The following ALMS1 variants were observed in gnomAD, a reference collection of about 807,000 sequenced individuals.
ALMS1 encodes the protein centrosome-associated protein ALMS1.
Under a neutral mutation model 352.2 loss-of-function variants are expected in ALMS1, and 271 were observed. That is an observed-to-expected ratio of 0.77 (90% CI 0.70 to 0.85). The LOEUF is 0.85. ALMS1 is among the 40% of genes least tolerant of loss of function. The probability of loss-of-function intolerance (pLI) is 0.00; values close to 1 mark genes in which losing one functional copy is unlikely to be tolerated. For missense variants in ALMS1, 5,445 were observed against 4,870.7 expected (o/e 1.12, Z -3.51); for synonymous variants, 1,865 against 1,761.2 (o/e 1.06, Z -1.48).
Position 73,451,396 on chromosome 2 carries a change from G to T in ALMS1, c.4869G>T (p.Lys1623Asn). The T allele has an allele frequency of 6.2e-7, 1 of 1,613,908 alleles. No homozygotes were observed. The highest frequency in any genetic ancestry group is 1.6e-4 in the Middle Eastern group (1 of 6,062). ...TAGGTTCCAGTGCACTTGGAGAGAA[G>T]CCCATTACTTTCTACCGGCAGGCTC... ...GPLGSSALGE[K>N]PITFYRQALL... is the part of the protein sequence containing the mutation. The change falls in exon 8 of 23, where the codon AAG becomes AAT. Residue 1623 changes from lysine (K) to asparagine (N), a missense_variant. By Grantham distance (94) the Lys-to-Asn change is moderately conservative (BLOSUM62 0). Coordinates refer to ENST00000613296, the MANE Select transcript of ALMS1 (RefSeq NM_001378454.1).
intron 16 of ALMS1, among the ~76,000 whole-genome samples, chr2:73,587,478 A>G (rs1675336859): frequency 1.3e-5 from 2 of 152,144 alleles, no homozygotes; most frequent in African/African-American, 2.4e-5. Flanking sequence ...TGAGGGTTTT[A>G]ATTATAAAGT....
chr2:73,466,874 A>G (rs1672360056), intron 9 of ALMS1, among the ~76,000 whole-genome samples: 1 of 152,146 alleles, frequency 6.6e-6, no homozygotes. Flanking sequence ...TAGAAGCTGC[A>G]TAAATGGAGT....
At chr2:73,399,225 C>T (rs1670823707) in intron 1 of ALMS1, among the ~76,000 whole-genome samples, 1 of 152,102 alleles carries the variant, frequency 6.6e-6, no homozygotes, top group Admixed American at 6.6e-5. Flanking sequence ...GACTGTGTAC[C>T]TTTTATTTCC....
At chr2:73,567,480 T>C (rs1428839689) in intron 15 of ALMS1, among the ~76,000 whole-genome samples, 1 of 152,198 alleles carries the variant, frequency 6.6e-6, no homozygotes, top group Admixed American at 6.5e-5. Flanking sequence ...TATGTATTTA[T>C]TATATCACAG....
In ALMS1 at chr2:73,450,642, G is replaced by A. The variant is rs1439442789; in HGVS notation, c.4115G>A (p.Gly1372Asp). The A allele has an allele frequency of 8.1e-6, 13 of 1,613,106 alleles. No individual in the cohort carries two copies. The highest frequency in any genetic ancestry group is 4.0e-5 in the African/African-American group (3 of 74,544). ...VASEPVDQTTGTPTVTSTSYS... is the reference protein window; with the variant it reads ...VASEPVDQTTDTPTVTSTSYS... ...TCTGAACCAGTTGACCAGACAACTG[G>A]CACACCAACTGTAACCTCTACTTCT... is the stretch of plus-strand genomic sequence containing the variant. Residue 1372 changes from glycine to aspartate, a missense_variant, in exon 8 of 23, where the codon GGC (glycine) becomes GAC (aspartate). By Grantham distance (94) the Gly-to-Asp change is moderately conservative. Transcript: ENST00000613296.
intron 9 of ALMS1, among the ~76,000 whole-genome samples, chr2:73,460,733 C>G (rs1672174380): frequency 6.6e-6 from 1 of 152,232 alleles, no homozygotes; most frequent in Admixed American, 6.5e-5. Context: ...TCGCATCACT[C>G]CCACACTAAT....
At chr2:73,536,147 G>C (rs1674023339) in intron 12 of ALMS1, among the ~76,000 whole-genome samples, 1 of 152,296 alleles carries the variant, frequency 6.6e-6, no homozygotes, top group East Asian at 1.9e-4. Flanking sequence ...ATGGCTACCA[G>C]AAAGAAAACA....
At chr2:73,604,946 G>A (rs1246396416) in intron 21 of ALMS1, among the ~76,000 whole-genome samples, 3 of 152,188 alleles carry the variant, frequency 2.0e-5, no homozygotes, top group African/African-American at 7.2e-5. Context: ...GGAAGAACAA[G>A]GAAGCAGTGT....
chr2:73,425,759 C>T (rs1342460656), intron 5 of ALMS1, among the ~76,000 whole-genome samples: 1 of 152,104 alleles, frequency 6.6e-6, no homozygotes, highest in Non-Finnish European at 1.5e-5. Context: ...CTTAAACATC[C>T]ATGCTATCAG....
intron 9 of ALMS1, chr2:73,459,394 C>T (rs182466826): frequency 6.6e-6 from 1 of 152,174 alleles, no homozygotes; most frequent in African/African-American, 2.4e-5. Context: ...TTCTTTGAGA[C>T]TGTAAATATC....
chr2:73,566,296 G>C (rs769911448), intron 15 of ALMS1, among the ~76,000 whole-genome samples: 27 of 152,126 alleles, frequency 1.8e-4, no homozygotes, highest in Non-Finnish European at 3.1e-4. Flanking sequence ...TACTGCTCTT[G>C]CACTTTGGGG....
At chr2:73,406,528 G>A (rs1487434486) in intron 1 of ALMS1, among the ~76,000 whole-genome samples, 1 of 129,528 alleles carries the variant, frequency 7.7e-6, no homozygotes, top group African/African-American at 2.9e-5. Context: ...CAATTTTTTT[G>A]GTAGGGATAT....
Position 73,386,203 on chromosome 2 carries a change from C to T in ALMS1, c.324+11C>T, listed in dbSNP as rs886949774. On this transcript the variant is annotated intron_variant, in intron 1 of 22. Transcript: ENST00000613296. The stretch of plus-strand genomic sequence containing the variant: ...ACCTCCCTGGAGAAGGTGAGGCGGG[C>T]CGGGGAGGGGTGTGGAGCCGCGGCG... 2 of 1,523,300 alleles carry T rather than the reference C, an allele frequency of 1.3e-6. No homozygotes were observed. Among genetic ancestry groups the T allele is most frequent in the South Asian group, 2.4e-5 (2 of 82,112 alleles). The allele number at this position is 1,523,300 out of a possible 1,614,324, so 94.4% of individuals were successfully genotyped here. A position where few individuals can be genotyped will look rare whatever the true frequency, so the allele number is the denominator to read the frequency against.
chr2:73,532,245 A>G (rs1673929940), intron 11 of ALMS1, among the ~76,000 whole-genome samples: 1 of 152,246 alleles, frequency 6.6e-6, no homozygotes, highest in South Asian at 2.1e-4. Flanking sequence ...CACTTGCTGG[A>G]TACTGCCTAT....
chr2:73,608,042 T>C (rs909014733), intron 21 of ALMS1, among the ~76,000 whole-genome samples: 2 of 152,198 alleles, frequency 1.3e-5, no homozygotes, highest in Admixed American at 6.5e-5. Flanking sequence ...CAGACCAAGT[T>C]TCTTCTCCTC....
intron 12 of ALMS1, among the ~76,000 whole-genome samples, chr2:73,544,259 T>C (rs13399087): frequency 0.5 from 75,333 of 151,896 alleles, 21,555 homozygotes; most frequent in African/African-American, 0.8. Flanking sequence ...AGCAAACTAT[T>C]GCAAAGACAA....
Position 73,557,220 on chromosome 2 carries a change from A to G in ALMS1, c.10079A>G (p.Asp3360Gly). Residue 3360 changes from aspartate to glycine, a missense_variant and splice_region_variant, in exon 14 of 23, where the codon GAT (aspartate) becomes GGT (glycine). Physicochemically the swap from Asp to Gly is moderately conservative, Grantham distance 94. Coordinates refer to ENST00000613296, the MANE Select transcript of ALMS1 (RefSeq NM_001378454.1). ...GEKPLQNENA[D>G]ASVQVLITGD... ...AAATCAAATGATGTCGTTATTCCAG[A>G]TGCCTCAGTTCAAGTGCTAATCACT... 6.2e-7 allele frequency: 1 copy of G among 1,614,096 alleles called. No homozygotes were observed. The highest frequency in any genetic ancestry group is 8.5e-7 in the Non-Finnish European group (1 of 1,179,984).
chr2:73,419,023 G>A lies in ALMS1; in HGVS notation c.451-100G>A, dbSNP rs974993591. The A allele has an allele frequency of 3.0e-5, 29 of 965,136 alleles. 1 individual carries two copies. In the African/African-American group the frequency reaches 3.6e-4, roughly 12 times the overall value. The allele number at this position is 965,136 out of a possible 1,614,324, so 59.8% of individuals were successfully genotyped here. Reference sequence around the variant, plus strand: ...ACTTTGATGAGAATGTCATTAAATAGGAAGCTATATAATACATGAGTGGAC... The same window carrying A: ...ACTTTGATGAGAATGTCATTAAATAAGAAGCTATATAATACATGAGTGGAC... On this transcript the variant is annotated intron_variant, in intron 2 of 22. Coordinates refer to ENST00000613296, the MANE Select transcript of ALMS1 (RefSeq NM_001378454.1).
At chr2:73,414,484 T>TTTG (rs1558635521) in intron 2 of ALMS1, among the ~76,000 whole-genome samples, 10 of 90,550 alleles carry the variant, frequency 1.1e-4, no homozygotes, top group African/African-American at 2.7e-4. Context: ...TTTTTTTTTT[T>TTTG]TTTTGTTTTT....
Sources: gnomAD v4.1 joint callset for allele counts (sites outside exome capture counted in the v4.1 genomes callset) on GRCh38, gnomAD v4.1.1 for gene constraint, MANE v1.5 for transcripts, NCBI Gene and HGNC (gene_info 2026-07-23, HGNC 2026-07-21) for gene names.